WNT2B: variants seen among roughly 807,000 people sequenced by gnomAD.
WNT2B encodes the protein Wnt family member 2B.
In WNT2B, 19 loss-of-function variants were observed where a neutral mutation model predicts 40.5. That is an observed-to-expected ratio of 0.47 (90% CI 0.33 to 0.69). WNT2B has a LOEUF of 0.69. WNT2B is among the 30% of genes least tolerant of loss of function. WNT2B has a pLI of 0.02. For synonymous variants in WNT2B, 220 were observed against 211.9 expected, an observed-to-expected ratio of 1.04 and a Z score of -0.33; for missense variants, 467 against 556.4, an observed-to-expected ratio of 0.84 and a Z score of 1.62.
Position 112,509,215 on chromosome 1 carries a change from C to T in WNT2B, c.-48C>T. The T allele has an allele frequency of 2.1e-6, 3 of 1,456,504 alleles. No homozygotes were observed. The highest frequency in any genetic ancestry group is 2.7e-6 in the Non-Finnish European group (3 of 1,115,318). 90.2% of individuals were successfully genotyped at this position (1,456,504 alleles called of 1,614,324 possible). A position where few individuals can be genotyped will look rare whatever the true frequency, so the allele number is the denominator to read the frequency against. On this transcript the variant is annotated 5_prime_UTR_variant, in exon 1 of 5. Transcript: ENST00000369684. This position sits in a 1 kb window ranked among gnomAD's most constrained non-coding sequence, Gnocchi z 4.2. Reference sequence around the variant, plus strand: ...GCAGCCTGAGTACCCCCAGAAGGTGCCCCGTCCACGCCCCTCCGGGCTGCG... The same window carrying T: ...GCAGCCTGAGTACCCCCAGAAGGTGTCCCGTCCACGCCCCTCCGGGCTGCG...
intron 1 of WNT2B, among the ~76,000 whole-genome samples, chr1:112,490,450 G>C (rs999756225): frequency 4.6e-5 from 7 of 152,052 alleles, no homozygotes; most frequent in African/African-American, 1.7e-4. Context: ...AAGAGAGAGA[G>C]ATAAGAGAAC....
Position 112,484,290 on chromosome 1 carries a change from T to TATATATAC in WNT2B, c.-95+16700_-95+16701insTATATACA, listed in dbSNP as rs1294363726. Among the ~76,000 whole-genome samples the TATATATAC allele has an allele frequency of 2.8e-3, 350 of 126,002 alleles. 4 individuals are homozygous for TATATATAC. Among genetic ancestry groups the TATATATAC allele is most frequent in the African/African-American group, 0.011 (321 of 29,630 alleles). The allele number at this position is 126,002 out of a possible 152,430, so 82.7% of individuals were successfully genotyped here. On this transcript the variant is annotated intron_variant, in intron 1 of 4. Coordinates refer to the WNT2B transcript ENST00000256640. ...ATATACACATATATATATATATATATACACACACATATATATAGAGAGAGA... is the reference window on the plus strand; with the variant it reads ...ATATACACATATATATATATATATATATATATACACACACACATATATATAGAGAGAGA...
Position 112,484,205 on chromosome 1 carries a change from T to TTA in WNT2B, c.-95+16625_-95+16626dup, listed in dbSNP as rs991719120. Among the ~76,000 whole-genome samples, 563 of 119,716 alleles carry TTA rather than the reference T, an allele frequency of 4.7e-3. 8 individuals carry two copies. Among genetic ancestry groups the TTA allele is most frequent in the African/African-American group, 0.023 (523 of 22,658 alleles). The allele number at this position is 119,716 out of a possible 152,430, so 78.5% of individuals were successfully genotyped here. The stretch of plus-strand genomic sequence containing the variant: ...ATATATAATTTTGTCTCCAAAAATT[T>TTA]TATATATATATACACATATATATAT... On this transcript the variant is annotated intron_variant, in intron 1 of 4. Coordinates refer to the WNT2B transcript ENST00000256640.
At chr1:112,470,360 G>A (rs558301293) in intron 1 of WNT2B, among the ~76,000 whole-genome samples, 12 of 152,174 alleles carry the variant, frequency 7.9e-5, no homozygotes, top group Admixed American at 7.2e-4. Context: ...AGGCTGAGGC[G>A]GGTGGATCAC....
rs1653059728 is a variant in WNT2B, at chr1:112,524,126, G to A, written c.*3617G>A. The A allele has an allele frequency of 6.6e-6, 1 of 152,510 alleles. No individual in the cohort carries two copies. The highest frequency in any genetic ancestry group is 1.5e-5 in the Non-Finnish European group (1 of 68,020). The allele number at this position is 152,510 out of a possible 1,614,324, so 9.4% of individuals were successfully genotyped here. A position where few individuals can be genotyped will look rare whatever the true frequency, so the allele number is the denominator to read the frequency against. ...TCATTTCTATTCCTCCTGTTGCAGG[G>A]AGTAATTTCTTCTCCTTTGTCTCAC... On this transcript the variant is annotated 3_prime_UTR_variant, in exon 5 of 5. Coordinates refer to ENST00000369684, the MANE Select transcript of WNT2B (RefSeq NM_024494.3).
chr1:112,520,732 C>T lies in WNT2B; in HGVS notation c.*223C>T, dbSNP rs955083584. 2.7e-5 allele frequency: 16 copies of T among 586,700 alleles called. No individual in the cohort carries two copies. The highest frequency in any genetic ancestry group is 9.3e-5 in the African/African-American group (5 of 53,692). The allele number at this position is 586,700 out of a possible 1,614,324, so 36.3% of individuals were successfully genotyped here. Reference sequence around the variant, plus strand: ...AAACTGAGCAAGCTCCCTGATTTCCCGCTCTGGAGATTTGAAGGGAGAGTA... The same window carrying T: ...AAACTGAGCAAGCTCCCTGATTTCCTGCTCTGGAGATTTGAAGGGAGAGTA... On this transcript the variant is annotated 3_prime_UTR_variant, in exon 5 of 5. Coordinates refer to ENST00000369684, the MANE Select transcript of WNT2B (RefSeq NM_024494.3).
chr1:112,506,260 A>G (rs977293203), upstream of WNT2B, among the ~76,000 whole-genome samples: 4 of 152,172 alleles, frequency 2.6e-5, no homozygotes, highest in Admixed American at 6.5e-5. Context: ...CGGCCTCCCA[A>G]TGTGCTGGGA....
At position 112,494,496 on chromosome 1, in the gene WNT2B, T is replaced by C. The variant is rs148882045; in HGVS notation, c.-94-20378T>C. Reference sequence around the variant, plus strand: ...CAATCATCCTGCCTCAGCTTCTGAGTAGCTAGAGCCACAGGCACACACCAC... The same window carrying C: ...CAATCATCCTGCCTCAGCTTCTGAGCAGCTAGAGCCACAGGCACACACCAC... On this transcript the variant is annotated intron_variant, in intron 1 of 4. Transcript: ENST00000256640. Among the ~76,000 whole-genome samples, 557 of 151,466 alleles carry C rather than the reference T, an allele frequency of 3.7e-3. 6 individuals are homozygous for C. Among genetic ancestry groups the C allele is most frequent in the Middle Eastern group, 6.8e-3 (2 of 294 alleles).
intron 1 of WNT2B, among the ~76,000 whole-genome samples, chr1:112,482,119 T>G (rs1311323530): frequency 6.8e-6 from 1 of 147,844 alleles, no homozygotes; most frequent in Non-Finnish European, 1.5e-5. Context: ...CACTCCAGCC[T>G]GGGCAACAAG....
upstream of WNT2B, among the ~76,000 whole-genome samples, chr1:112,504,404 C>G (rs913961447): frequency 6.6e-6 from 1 of 152,162 alleles, no homozygotes; most frequent in South Asian, 2.1e-4. Flanking sequence ...CTCCATCAAG[C>G]CCCCTTTCCT....
At chr1:112,473,510 A>G (rs1278928232) in intron 1 of WNT2B, among the ~76,000 whole-genome samples, 1 of 152,196 alleles carries the variant, frequency 6.6e-6, no homozygotes, top group Admixed American at 6.5e-5. Flanking sequence ...ATTATTAAAT[A>G]TGAAGAAATA....
chr1:112,508,928 C>CCCTGTG, upstream of WNT2B: 1 of 1,141,112 alleles, frequency 8.8e-7, no homozygotes, highest in Non-Finnish European at 1.1e-6. This position sits in a 1 kb window ranked among gnomAD's most constrained non-coding sequence, Gnocchi z 4.2. Flanking sequence ...CCCGCCCCGT[C>CCCTGTG]CCGTCCAATG....
intron 1 of WNT2B, among the ~76,000 whole-genome samples, chr1:112,512,061 T>C (rs1042776034): frequency 6.6e-6 from 1 of 151,654 alleles, no homozygotes; most frequent in Non-Finnish European, 1.5e-5. Flanking sequence ...CTAGGGGCTG[T>C]ACACGAAAGG....
At chr1:112,502,767 G>A (rs1023855071) in intron 1 of WNT2B, among the ~76,000 whole-genome samples, 5 of 152,200 alleles carry the variant, frequency 3.3e-5, no homozygotes, top group Non-Finnish European at 5.9e-5. Flanking sequence ...CAGGAGGACG[G>A]CTGAAATGAC....
rs55664948 is a variant in WNT2B, at chr1:112,525,445, G to A, written c.*4936G>A. ...CTGTCCCTGACCTCAAAGGTAAAGG[G>A]ATAGAAAAGAGAGGGCGTTGACAAA... On this transcript the variant is annotated 3_prime_UTR_variant, in exon 5 of 5. Coordinates refer to ENST00000369684, the MANE Select transcript of WNT2B (RefSeq NM_024494.3). 5,122 of 152,820 alleles carry A rather than the reference G, an allele frequency of 0.034. 161 individuals are homozygous for A. The highest frequency in any genetic ancestry group is 0.079 in the African/African-American group (3,282 of 41,450). 9.5% of individuals were successfully genotyped at this position (152,820 alleles called of 1,614,324 possible).
intron 1 of WNT2B, among the ~76,000 whole-genome samples, chr1:112,480,043 T>G (rs1416924165): frequency 1.3e-5 from 2 of 151,538 alleles, no homozygotes; most frequent in African/African-American, 4.8e-5. Context: ...AAAAATAAGT[T>G]ACAACTCCAA....
intron 1 of WNT2B, among the ~76,000 whole-genome samples, chr1:112,495,542 A>C (rs1402035465): frequency 1.3e-5 from 2 of 151,714 alleles, no homozygotes; most frequent in Non-Finnish European, 2.9e-5. Context: ...CCAGCCAAGA[A>C]CGCGCCACTG....
At position 112,477,499 on chromosome 1, in the gene WNT2B, C is replaced by T. The variant is rs370681389; in HGVS notation, c.-95+9908C>T. Among the ~76,000 whole-genome samples, 83 of 152,212 alleles carry T rather than the reference C, an allele frequency of 5.5e-4. 2 individuals carry two copies. In the South Asian group the frequency reaches 0.014, roughly 25 times the overall value. ...TAAAAAAATCAAGGAAATATTACAC[C>T]GCCAAAGGAACACAATAATTTTTCA... On this transcript the variant is annotated intron_variant, in intron 1 of 4. Transcript: ENST00000256640.
At chr1:112,510,291 A>G (rs1363731433) in intron 1 of WNT2B, among the ~76,000 whole-genome samples, 1 of 152,098 alleles carries the variant, frequency 6.6e-6, no homozygotes, top group Non-Finnish European at 1.5e-5. Flanking sequence ...GATGGCACTC[A>G]TCACCTTCCC....
Sources: allele counts gnomAD v4.1 joint callset (sites outside exome capture counted in the v4.1 genomes callset), GRCh38; gene constraint gnomAD v4.1.1; non-coding constraint Gnocchi (gnomAD v3.1); transcripts MANE v1.5; gene names NCBI Gene and HGNC (gene_info 2026-07-23, HGNC 2026-07-21).